The following GPR19 variants were observed in gnomAD, a reference collection of about 807,000 sequenced individuals.
GPR19 encodes the protein probable G protein-coupled receptor 19.
Under a neutral mutation model 28.5 loss-of-function variants are expected in GPR19, and 14 were observed. The observed-to-expected ratio is 0.49, with a 90% CI of 0.32 to 0.77. GPR19 has a LOEUF of 0.77. Among genes scored for constraint, GPR19 ranks in the 30% least tolerant of loss-of-function variants. GPR19 has a pLI of 0.03. For missense variants in GPR19, 409 were observed against 504.1 expected, an observed-to-expected ratio of 0.81 and a Z score of 1.81; for synonymous variants, 173 against 184.1, an observed-to-expected ratio of 0.94 and a Z score of 0.49.
At chr12:12,666,523 T>G (rs1181066360) in intron 3 of GPR19, among the ~76,000 whole-genome samples, 1 of 152,146 alleles carries the variant, frequency 6.6e-6, no homozygotes. Context: ...TGTCGGATGT[T>G]TCAAAGTTCC....
At chr12:12,709,047 A>T in the GPR19 span, among the ~76,000 whole-genome samples, 2 of 12,462 alleles carry the variant, frequency 1.6e-4, no homozygotes, top group African/African-American at 2.0e-4. Context: ...GACTCCGTCT[A>T]AAAAAAAAAA....
At chr12:12,714,648 T>C in the GPR19 span, among the ~76,000 whole-genome samples, 142,669 of 151,990 alleles carry the variant, frequency 0.94, 67,575 homozygotes, top group East Asian at 1. Context: ...TTTCCGTCTT[T>C]TACCAGGGTC....
intron 3 of GPR19, among the ~76,000 whole-genome samples, chr12:12,673,600 T>C (rs1025682503): frequency 1.3e-5 from 2 of 152,242 alleles, no homozygotes; most frequent in African/African-American, 2.4e-5. Context: ...AGAGGTTATA[T>C]GGCAGCTGAA....
upstream of GPR19, chr12:12,696,304 T>G (rs1405858560): frequency 6.8e-6 from 1 of 146,834 alleles, no homozygotes; most frequent in Admixed American, 7.0e-5. Context: ...CCGGCTAGTA[T>G]GAAGGTTTTC....
chr12:12,703,452 G>A, the GPR19 span: 5 of 983,714 alleles, frequency 5.1e-6, no homozygotes, highest in Non-Finnish European at 6.0e-6. Flanking sequence ...AAGGTTCGCA[G>A]GTAAATGGTA....
At chr12:12,696,722 G>A (rs973143174), upstream of GPR19, among the ~76,000 whole-genome samples, 8 of 152,240 alleles carry the variant, frequency 5.3e-5, no homozygotes, top group Non-Finnish European at 1.0e-4. Flanking sequence ...TCCAGGCGAA[G>A]CGCTGTGTCG....
chr12:12,664,819 C>G (rs976160716), intron 3 of GPR19, among the ~76,000 whole-genome samples: 1 of 146,922 alleles, frequency 6.8e-6, no homozygotes, highest in African/African-American at 2.5e-5. Flanking sequence ...ACTCGGGAGG[C>G]TGAGGCAGGA....
At chr12:12,707,172 C>G in the GPR19 span, among the ~76,000 whole-genome samples, 1 of 152,240 alleles carries the variant, frequency 6.6e-6, no homozygotes, top group African/African-American at 2.4e-5. Flanking sequence ...TTTGCTATTT[C>G]CTGTGCCTGC....
chr12:12,682,793 G>A (rs1233348135), intron 3 of GPR19, among the ~76,000 whole-genome samples: 1 of 147,512 alleles, frequency 6.8e-6, no homozygotes, highest in Non-Finnish European at 1.5e-5. Flanking sequence ...AAGGCCAGAA[G>A]GAAATCTACA....
the GPR19 span, among the ~76,000 whole-genome samples, chr12:12,706,460 T>C: frequency 6.6e-6 from 1 of 152,328 alleles, no homozygotes; most frequent in East Asian, 1.9e-4. Flanking sequence ...GGTGTTCTTA[T>C]CTAGTCTCAT....
At chr12:12,717,232 G>A in the GPR19 span, 1 of 1,051,434 alleles carries the variant, frequency 9.5e-7, no homozygotes, top group Admixed American at 5.4e-5. Context: ...GGCGCGCTCG[G>A]GAACGAGGGG....
intron 2 of GPR19, among the ~76,000 whole-genome samples, chr12:12,693,380 C>T (rs1287547573): frequency 6.6e-6 from 1 of 152,182 alleles, no homozygotes; most frequent in East Asian, 1.9e-4. Context: ...CCTCCCCAAC[C>T]AATGAGGTAT....
chr12:12,712,887 A>G, the GPR19 span, among the ~76,000 whole-genome samples: 2 of 152,028 alleles, frequency 1.3e-5, no homozygotes, highest in African/African-American at 4.8e-5. Flanking sequence ...AAGGACTCTG[A>G]CAAATATTTC....
At chr12:12,680,497 C>T (rs895926239) in intron 3 of GPR19, among the ~76,000 whole-genome samples, 20 of 152,116 alleles carry the variant, frequency 1.3e-4, no homozygotes, top group African/African-American at 4.6e-4. Flanking sequence ...ATGGTAACTG[C>T]CCTTTTGCCT....
chr12:12,708,783 T>A, the GPR19 span, among the ~76,000 whole-genome samples: 1 of 152,224 alleles, frequency 6.6e-6, no homozygotes, highest in Non-Finnish European at 1.5e-5. Flanking sequence ...GCACGGTGGC[T>A]CACGCCTGTA....
At chr12:12,667,230 T>G (rs1456339261) in intron 3 of GPR19, among the ~76,000 whole-genome samples, 7 of 152,250 alleles carry the variant, frequency 4.6e-5, no homozygotes, top group Non-Finnish European at 1.0e-4. Flanking sequence ...GTTCTGAGAC[T>G]ACCATTTGAC....
intron 3 of GPR19, among the ~76,000 whole-genome samples, chr12:12,666,045 T>A (rs1376259882): frequency 6.6e-6 from 1 of 152,036 alleles, no homozygotes; most frequent in East Asian, 1.9e-4. Flanking sequence ...AGAGGATGAA[T>A]AGGACTTCTT....
intron 2 of GPR19, among the ~76,000 whole-genome samples, chr12:12,689,349 C>T (rs1028460236): frequency 1.3e-5 from 2 of 152,124 alleles, no homozygotes; most frequent in African/African-American, 4.8e-5. Context: ...TTGAAAGTAC[C>T]TCAGTGCATA....
the GPR19 span, among the ~76,000 whole-genome samples, chr12:12,703,871 A>G: frequency 8.7e-4 from 132 of 152,314 alleles, no homozygotes; most frequent in African/African-American, 3.1e-3. Context: ...CTTGCCAATC[A>G]TATCTACTGG....
Sources: allele counts gnomAD v4.1 joint callset (sites outside exome capture counted in the v4.1 genomes callset), GRCh38; gene constraint gnomAD v4.1.1; transcripts MANE v1.5; gene names NCBI Gene and HGNC (gene_info 2026-07-23, HGNC 2026-07-21).